The following GRIA4 variants were observed in gnomAD, a reference collection of about 807,000 sequenced individuals.
The protein encoded by GRIA4 is glutamate ionotropic receptor AMPA type subunit 4, also known as glutamate receptor 4.
A neutral mutation model predicts 104.0 loss-of-function variants in GRIA4; 34 were observed. The observed-to-expected ratio is 0.33, with a 90% CI of 0.25 to 0.44. The LOEUF (loss-of-function observed/expected upper bound fraction) is 0.44, where lower values mean the gene tolerates loss of function less well. Among genes scored for constraint, GRIA4 ranks in the 20% least tolerant of loss-of-function variants. GRIA4 has a pLI of 1.00. For missense variants in GRIA4, 750 were observed against 1,096.5 expected, an observed-to-expected ratio of 0.68 and a Z score of 4.46; for synonymous variants, 386 against 381.9, an observed-to-expected ratio of 1.01 and a Z score of -0.13.
chr11:105,617,101 AT>A (rs2135258453), intron 3 of GRIA4, among the ~76,000 whole-genome samples: 1 of 146,674 alleles, frequency 6.8e-6, no homozygotes, highest in Non-Finnish European at 1.5e-5. Flanking sequence ...ACATCCTGGC[AT>A]TGGGAAATAT....
intron 5 of GRIA4, among the ~76,000 whole-genome samples, chr11:105,883,070 T>C (rs149725149): frequency 6.6e-6 from 1 of 152,132 alleles, no homozygotes; most frequent in East Asian, 1.9e-4. Flanking sequence ...ACTCTCTGCT[T>C]CTTAAAAAAC....
intron 3 of GRIA4, among the ~76,000 whole-genome samples, chr11:105,659,223 G>C (rs1434597883): frequency 6.6e-6 from 1 of 151,832 alleles, no homozygotes; most frequent in African/African-American, 2.4e-5. Context: ...TGTTCTTATT[G>C]GCAGAGCATG....
intron 4 of GRIA4, among the ~76,000 whole-genome samples, chr11:105,776,202 C>T (rs1941444337): frequency 1.3e-5 from 2 of 152,104 alleles, no homozygotes; most frequent in African/African-American, 2.4e-5. Context: ...ACACAATACA[C>T]TAAAGATTGT....
At chr11:105,619,725 C>A (rs1950694164) in intron 3 of GRIA4, among the ~76,000 whole-genome samples, 1 of 151,788 alleles carries the variant, frequency 6.6e-6, no homozygotes, top group African/African-American at 2.4e-5. Context: ...TACAGAGACA[C>A]AATCAAACTT....
At chr11:105,682,948 T>C (rs770608647) in intron 3 of GRIA4, among the ~76,000 whole-genome samples, 1 of 151,566 alleles carries the variant, frequency 6.6e-6, no homozygotes, top group Non-Finnish European at 1.5e-5. Flanking sequence ...CCATCTATTA[T>C]TTTTGATAGG....
chr11:105,967,113 T>C (rs1031002311), intron 14 of GRIA4, among the ~76,000 whole-genome samples: 22 of 152,122 alleles, frequency 1.4e-4, no homozygotes, highest in African/African-American at 2.7e-4. Context: ...GAAAATATCA[T>C]AGAATAACAC....
Position 105,646,302 on chromosome 11 carries a change from CA to C in GRIA4, c.247+33869del, listed in dbSNP as rs560210356. On this transcript the variant is annotated intron_variant, in intron 3 of 16. Coordinates refer to ENST00000282499, the MANE Select transcript of GRIA4 (RefSeq NM_000829.4). ...TCAGAGGAAAATATAATTGTTTACA[CA>C]GTAATTCAAGATGGACGTGGTGGCT... 9.2e-5 allele frequency among the ~76,000 whole-genome samples: 14 copies of C among 152,196 alleles called. No homozygotes were observed. The South Asian group carries it at 2.9e-3, about 32-fold the overall frequency.
At chr11:105,680,467 GC>G (rs920972450) in intron 3 of GRIA4, among the ~76,000 whole-genome samples, 2 of 152,074 alleles carry the variant, frequency 1.3e-5, no homozygotes, top group African/African-American at 4.8e-5. Flanking sequence ...CATTTCTGAA[GC>G]CATTTTATGA....
intron 4 of GRIA4, among the ~76,000 whole-genome samples, chr11:105,817,806 T>C (rs911423683): frequency 6.6e-6 from 1 of 152,108 alleles, no homozygotes; most frequent in African/African-American, 2.4e-5. Context: ...GTAGTGAAGA[T>C]CAGTGTACGT....
At chr11:105,710,353 A>G (rs1270990146) in intron 3 of GRIA4, among the ~76,000 whole-genome samples, 1 of 152,072 alleles carries the variant, frequency 6.6e-6, no homozygotes. Flanking sequence ...GGCCTCAGGT[A>G]TGTCATGGAA....
At chr11:105,830,122 C>T (rs1364605926) in intron 4 of GRIA4, among the ~76,000 whole-genome samples, 1 of 151,964 alleles carries the variant, frequency 6.6e-6, no homozygotes, top group East Asian at 1.9e-4. Context: ...TCTTCCAGTG[C>T]TCTTGACAAT....
chr11:105,778,190 C>G (rs1016282404), intron 4 of GRIA4, among the ~76,000 whole-genome samples: 2 of 152,184 alleles, frequency 1.3e-5, no homozygotes, highest in African/African-American at 2.4e-5. Context: ...GTCCAAACAA[C>G]TGAAGGCAGT....
chr11:105,757,001 T>C (rs1275797958), intron 4 of GRIA4, among the ~76,000 whole-genome samples: 1 of 152,014 alleles, frequency 6.6e-6, no homozygotes, highest in Admixed American at 6.6e-5. Flanking sequence ...GAGATACAGG[T>C]ATAAAAATAA....
intron 3 of GRIA4, among the ~76,000 whole-genome samples, chr11:105,619,155 T>A (rs568006212): frequency 1.3e-5 from 2 of 152,010 alleles, no homozygotes; most frequent in East Asian, 3.9e-4. Context: ...TTCTTTCACT[T>A]AGAGATATGG....
At chr11:105,641,950 C>T (rs1951374412) in intron 3 of GRIA4, among the ~76,000 whole-genome samples, 1 of 152,138 alleles carries the variant, frequency 6.6e-6, no homozygotes, top group South Asian at 2.1e-4. Flanking sequence ...ATCAAGGAGG[C>T]AGCAAAGGTG....
intron 4 of GRIA4, among the ~76,000 whole-genome samples, chr11:105,835,653 G>GCTC (rs1345425090): frequency 1.3e-5 from 2 of 151,982 alleles, no homozygotes; most frequent in African/African-American, 4.8e-5. Flanking sequence ...AATTTGGCTA[G>GCTC]GAGGATTCGC....
intron 4 of GRIA4, 75 bp downstream of exon 4, chr11:105,753,295 T>G: frequency 7.4e-7 from 1 of 1,355,522 alleles, no homozygotes; most frequent in Non-Finnish European, 1.0e-6. Context: ...GACTTCGGTT[T>G]TTAGCAAATT....
intron 13 of GRIA4, among the ~76,000 whole-genome samples, chr11:105,927,583 T>C (rs975145706): frequency 3.9e-5 from 6 of 152,118 alleles, no homozygotes; most frequent in African/African-American, 1.4e-4. Context: ...GATACATGTA[T>C]AATTGCATTA....
At chr11:105,649,177 A>G (rs989632752) in intron 3 of GRIA4, among the ~76,000 whole-genome samples, 17 of 152,232 alleles carry the variant, frequency 1.1e-4, no homozygotes, top group African/African-American at 4.1e-4. Context: ...AACAAAAACC[A>G]TAAGATATCT....
Sources: gnomAD v4.1 joint callset for allele counts (sites outside exome capture counted in the v4.1 genomes callset) on GRCh38, gnomAD v4.1.1 for gene constraint, MANE v1.5 for transcripts, NCBI Gene and HGNC (gene_info 2026-07-23, HGNC 2026-07-21) for gene names.